The following MAN2A2 variants were observed in gnomAD, a reference collection of about 807,000 sequenced individuals.
MAN2A2 encodes the protein mannosidase alpha class 2A member 2, also known as alpha-mannosidase 2x.
In MAN2A2, 79 loss-of-function variants were observed where a neutral mutation model predicts 126.8. The ratio of observed to expected loss-of-function variants is 0.62; its 90% CI spans 0.52 to 0.75. The LOEUF is 0.75. Ranked by LOEUF, MAN2A2 falls within the 30% of genes least tolerant of loss-of-function variation. The probability of loss-of-function intolerance (pLI) is 0.00; values close to 1 mark genes in which losing one functional copy is unlikely to be tolerated. For missense variants in MAN2A2, 1,392 were observed against 1,522.4 expected (o/e 0.91, Z 1.43); for synonymous variants, 671 against 618.7 (o/e 1.08, Z -1.25).
chr15:90,909,720 C>T (rs1293697610), intron 9 of MAN2A2, among the ~76,000 whole-genome samples: 2 of 151,974 alleles, frequency 1.3e-5, no homozygotes, highest in East Asian at 1.9e-4. Context: ...TCTCCTGCCT[C>T]AGCTGCCCAA....
Position 90,904,340 on chromosome 15 carries a change from G to GTGAGTC in MAN2A2, c.132+2_132+7dup, listed in dbSNP as rs2034077200. On this transcript the variant is annotated splice_donor_variant, in intron 2 of 22. Transcript: ENST00000559717. LOFTEE classifies it high-confidence loss of function. ...CCAGAATGGTGGGAACTTCCCCCGGGTGAGTCGTGCCTGGTTGCTAATTTC... is the reference window on the plus strand; with the variant it reads ...CCAGAATGGTGGGAACTTCCCCCGGGTGAGTCTGAGTCGTGCCTGGTTGCTAATTTC... The GTGAGTC allele has an allele frequency of 6.2e-7, 1 of 1,613,156 alleles. No individual in the cohort carries two copies. Among genetic ancestry groups the GTGAGTC allele is most frequent in the Admixed American group, 1.7e-5 (1 of 59,982 alleles).
rs778000867 is a variant in MAN2A2, at chr15:90,907,273, C to T, written c.1010-36C>T. ...TTGCCCCCCTGGCGTCCAGAGGCTG[C>T]CTGCTGGTGGTGACCACGTGGTGTG... On this transcript the variant is annotated intron_variant, in intron 7 of 22. Coordinates refer to ENST00000559717, the MANE Select transcript of MAN2A2 (RefSeq NM_006122.4). The T allele has an allele frequency of 6.3e-6, 10 of 1,596,466 alleles. No individual in the cohort carries two copies. The East Asian group carries it at 1.1e-4, about 18-fold the overall frequency.
chr15:90,915,691 ACAACCTGCC>A (rs1468670924), intron 19 of MAN2A2, among the ~76,000 whole-genome samples: 7 of 152,228 alleles, frequency 4.6e-5, no homozygotes, highest in African/African-American at 1.7e-4. Flanking sequence ...TGTTTTAGTC[ACAACCTGCC>A]CAACCTGAGC....
At chr15:90,916,001 C>A in intron 19 of MAN2A2, 122 bp from the exon 20 acceptor site, 1 of 1,148,710 alleles carries the variant, frequency 8.7e-7, no homozygotes, top group Non-Finnish European at 1.2e-6. Context: ...TCCTGAGTGA[C>A]TCAGCTTCTG....
At position 90,916,052 on chromosome 15, in the gene MAN2A2, G is replaced by A. The variant is rs2035148873; in HGVS notation, c.2861-71G>A. 8.4e-6 allele frequency: 13 copies of A among 1,544,444 alleles called. No individual in the cohort carries two copies. In the South Asian group the frequency reaches 1.3e-4, roughly 15 times the overall value. ...TTTTCCGTCAGGGCCTGTGGCTTGG[G>A]ATTCTCCTTTGAAAGGTCAGTGCCT... On this transcript the variant is annotated intron_variant, in intron 19 of 22. Coordinates refer to ENST00000559717, the MANE Select transcript of MAN2A2 (RefSeq NM_006122.4).
intron 21 of MAN2A2, 29 bp downstream of exon 21, chr15:90,918,417 G>A: frequency 1.2e-6 from 2 of 1,601,932 alleles, no homozygotes; most frequent in Non-Finnish European, 1.7e-6. Context: ...GACATGCTGA[G>A]AGCAGAGTTC....
chr15:90,907,204 C>A, intron 7 of MAN2A2, 105 bp from the exon 8 acceptor site: 1 of 1,165,650 alleles, frequency 8.6e-7, no homozygotes, highest in Non-Finnish European at 1.2e-6. Flanking sequence ...GGTCCAGTTA[C>A]AGCCTCGCGG....
intron 7 of MAN2A2, 192 bp from the exon 8 acceptor site, chr15:90,907,117 A>C (rs1389926536): frequency 2.4e-6 from 2 of 835,894 alleles, no homozygotes; most frequent in Non-Finnish European, 3.7e-6. Flanking sequence ...CAAGGGCTTC[A>C]GCGTGCCCTG....
At chr15:90,914,813 C>T (rs995915395) in intron 19 of MAN2A2, among the ~76,000 whole-genome samples, 5 of 152,128 alleles carry the variant, frequency 3.3e-5, no homozygotes, top group African/African-American at 4.8e-5. Flanking sequence ...CCAACACGCC[C>T]GGCCAAGACT....
rs536356585 is a variant in MAN2A2, at chr15:90,919,959, C to T, written c.*172C>T. ...CTGCTGCTGTGTTTTCGGCGCAACC[C>T]ACAAACCCAGTGATGGGTAAATAGG... is the stretch of plus-strand genomic sequence containing the variant. On this transcript the variant is annotated 3_prime_UTR_variant, in exon 23 of 23. Transcript: ENST00000559717. 3 of 755,206 alleles carry T rather than the reference C, an allele frequency of 4.0e-6. No homozygotes were observed. The highest frequency in any genetic ancestry group is 5.5e-5 in the Admixed American group (2 of 36,108). The allele number at this position is 755,206 out of a possible 1,614,324, so 46.8% of individuals were successfully genotyped here.
chr15:90,916,686 A>G, intron 20 of MAN2A2: 1 of 1,290,092 alleles, frequency 7.8e-7, no homozygotes, highest in East Asian at 5.5e-5. Flanking sequence ...GGGAGCGGGG[A>G]ACTAGTACGA....
Position 90,922,387 on chromosome 15 carries a change from T to C in MAN2A2, c.*2600T>C, listed in dbSNP as rs1410071431. The C allele has an allele frequency of 6.6e-6, 1 of 152,150 alleles. No individual in the cohort carries two copies. The highest frequency in any genetic ancestry group is 2.4e-5 in the African/African-American group (1 of 41,430). The allele number at this position is 152,150 out of a possible 1,614,324, so 9.4% of individuals were successfully genotyped here. A position where few individuals can be genotyped will look rare whatever the true frequency, so the allele number is the denominator to read the frequency against. On this transcript the variant is annotated 3_prime_UTR_variant, in exon 23 of 23. Coordinates refer to ENST00000559717, the MANE Select transcript of MAN2A2 (RefSeq NM_006122.4). ...ATAGCAGAAGAAATAGGATTATCAA[T>C]GTGAACTGCTTAGCATGGTGCCTGG...
intron 4 of MAN2A2, 52 bp downstream of exon 4, chr15:90,905,775 T>C (rs998787919): frequency 1.2e-6 from 2 of 1,607,124 alleles, no homozygotes; most frequent in Non-Finnish European, 8.5e-7. Context: ...GGATTTCTGA[T>C]GGCCAATACA....
rs2034351038 is a variant in MAN2A2 at position 90,907,008 on chromosome 15, G to T, written c.1009+95G>T. On this transcript the variant is annotated intron_variant, in intron 7 of 22. Transcript: ENST00000559717. ...ACTAAGACCCCCACTGTTCTTCAGA[G>T]CAGACCTGCAGGCACTGGTGTGGAC... 19 of 1,443,858 alleles carry T rather than the reference G, an allele frequency of 1.3e-5. 1 individual carries two copies. In the South Asian group the frequency reaches 2.2e-4, roughly 17 times the overall value. 89.4% of individuals were successfully genotyped at this position (1,443,858 alleles called of 1,614,324 possible). A position where few individuals can be genotyped will look rare whatever the true frequency, so the allele number is the denominator to read the frequency against.
chr15:90,911,607 C>T (rs71407346), intron 14 of MAN2A2, 57 bp downstream of exon 14: 113,832 of 1,517,106 alleles, frequency 0.075, 4,891 homozygotes, highest in South Asian at 0.16. Context: ...GGCCCCTCCC[C>T]GCCCGGCGAC....
chr15:90,905,322 C>G lies in MAN2A2; in HGVS notation c.204C>G (p.Ile68Met), dbSNP rs911894971. ...EQLLEENHEI[I>M]SHIKDSVLEL... The stretch of plus-strand genomic sequence containing the variant: ...TTTTGGAGGAGAACCATGAGATTAT[C>G]AGCCATATCAAGGACTCCGTGCTGG... The change falls in exon 3 of 23, where the codon ATC becomes ATG. Residue 68 changes from isoleucine (I) to methionine (M), a missense_variant. Ile to Met is a conservative substitution (Grantham distance 10). Transcript: ENST00000559717. 1.2e-6 allele frequency: 2 copies of G among 1,613,952 alleles called. No homozygotes were observed. The highest frequency in any genetic ancestry group is 1.7e-6 in the Non-Finnish European group (2 of 1,180,052).
At chr15:90,911,062 C>G (rs915617532) in intron 12 of MAN2A2, 101 bp downstream of exon 12, 7 of 1,478,736 alleles carry the variant, frequency 4.7e-6, no homozygotes, top group Non-Finnish European at 5.6e-6. Context: ...CCTTCCCCAT[C>G]CGGATGAGTT....
Position 90,920,195 on chromosome 15 carries a change from G to A in MAN2A2, c.*408G>A. 1 of 201,182 alleles carries A rather than the reference G, an allele frequency of 5.0e-6. No individual in the cohort carries two copies. The highest frequency in any genetic ancestry group is 2.3e-5 in the African/African-American group (1 of 43,264). 12.5% of individuals were successfully genotyped at this position (201,182 alleles called of 1,614,324 possible). ...CAGCATCAGGGTCACTGTGGCAACA[G>A]CAGGCTCTAGGGGAATCCTGTGGTT... is the stretch of plus-strand genomic sequence containing the variant. On this transcript the variant is annotated 3_prime_UTR_variant, in exon 23 of 23. Coordinates refer to ENST00000559717, the MANE Select transcript of MAN2A2 (RefSeq NM_006122.4).
Position 90,918,695 on chromosome 15 carries a change from T to A in MAN2A2, c.3240T>A (p.Gly1080=), listed in dbSNP as rs1287995467. The A allele has an allele frequency of 6.6e-7, 1 of 1,521,530 alleles. No individual in the cohort carries two copies. Among genetic ancestry groups the A allele is most frequent in the African/African-American group, 1.4e-5 (1 of 72,710 alleles). 94.3% of individuals were successfully genotyped at this position (1,521,530 alleles called of 1,614,324 possible). ...AETALILHRK[G]FDCGLEAKNL... Reference sequence around the variant, plus strand: ...CCGCACTCATCTTACACCGCAAGGGTTTTGACTGCGGCCTGGAGGCCAAGA... The same window carrying A: ...CCGCACTCATCTTACACCGCAAGGGATTTGACTGCGGCCTGGAGGCCAAGA... The change falls in exon 22 of 23, where the codon GGT becomes GGA. Residue 1080 remains glycine (G), a synonymous_variant. Transcript: ENST00000559717.
Sources: gnomAD v4.1 joint callset for allele counts (sites outside exome capture counted in the v4.1 genomes callset) on GRCh38, gnomAD v4.1.1 for gene constraint, MANE v1.5 for transcripts, NCBI Gene and HGNC (gene_info 2026-07-23, HGNC 2026-07-21) for gene names.